The following ARFGEF3 variants were observed in gnomAD, a reference collection of about 807,000 sequenced individuals.
ARFGEF3 encodes brefeldin A-inhibited guanine nucleotide-exchange protein 3.
Under a neutral mutation model 221.7 loss-of-function variants are expected in ARFGEF3, and 96 were observed. The observed-to-expected ratio is 0.43, with a 90% CI of 0.37 to 0.51. The LOEUF (loss-of-function observed/expected upper bound fraction) is 0.51. Ranked by LOEUF, ARFGEF3 falls within the 20% of genes least tolerant of loss-of-function variation. The probability of loss-of-function intolerance (pLI) is 0.00; values close to 1 mark genes in which losing one functional copy is unlikely to be tolerated. For missense variants in ARFGEF3, 2,410 were observed against 2,789.9 expected (o/e 0.86, Z 3.07); for synonymous variants, 1,145 against 1,126.8 (o/e 1.02, Z -0.32).
Position 138,328,044 on chromosome 6 carries a change from C to T in ARFGEF3, c.5025C>T (p.Cys1675=). The T allele has an allele frequency of 6.4e-7, 1 of 1,554,580 alleles. No homozygotes were observed. Among genetic ancestry groups the T allele is most frequent in the Non-Finnish European group, 8.7e-7 (1 of 1,148,268 alleles). The change falls in exon 32 of 34, where the codon TGC becomes TGT. Residue 1675 remains cysteine, a synonymous_variant. Coordinates refer to ENST00000251691, the MANE Select transcript of ARFGEF3 (RefSeq NM_020340.5). ...AQQVFMLDTQ[C]SPKTPNNFDH... ...AGGTGTTTATGCTGGACACCCAGTG[C>T]TCACCAAAGACACCAAACAACTTTG...
At chr6:138,166,101 A>G (rs957912458) in intron 1 of ARFGEF3, among the ~76,000 whole-genome samples, 10 of 152,172 alleles carry the variant, frequency 6.6e-5, no homozygotes, top group African/African-American at 2.2e-4. Context: ...AAAACAATAC[A>G]TGTCAGCAGA....
chr6:138,288,889 C>T (rs1779346731), intron 17 of ARFGEF3, among the ~76,000 whole-genome samples: 3 of 152,174 alleles, frequency 2.0e-5, no homozygotes, highest in Admixed American at 2.0e-4. Context: ...TTTGGCCTTG[C>T]CTTAGCATTT....
chr6:138,303,277 CA>C (rs562075034), intron 22 of ARFGEF3, among the ~76,000 whole-genome samples: 8 of 150,018 alleles, frequency 5.3e-5, no homozygotes, highest in East Asian at 2.0e-4. Flanking sequence ...AAAGTGATCA[CA>C]AAAAAAATGT....
chr6:138,296,507 G>A (rs1779522844), intron 20 of ARFGEF3, among the ~76,000 whole-genome samples: 1 of 152,140 alleles, frequency 6.6e-6, no homozygotes, highest in Non-Finnish European at 1.5e-5. Context: ...TTCGAATCCA[G>A]ACGGTCGGAC....
intron 19 of ARFGEF3, among the ~76,000 whole-genome samples, chr6:138,293,048 A>T (rs1274259784): frequency 6.6e-6 from 1 of 152,262 alleles, no homozygotes; most frequent in Non-Finnish European, 1.5e-5. Context: ...TCAATAATTT[A>T]TAAATGTTTA....
intron 2 of ARFGEF3, among the ~76,000 whole-genome samples, chr6:138,186,896 CT>C (rs1327209078): frequency 3.8e-5 from 5 of 130,662 alleles, no homozygotes; most frequent in South Asian, 4.9e-4. Flanking sequence ...TCCTCTCATC[CT>C]TTTTCTTTTT....
chr6:138,192,143 A>G (rs1267562260), intron 2 of ARFGEF3, among the ~76,000 whole-genome samples: 2 of 152,130 alleles, frequency 1.3e-5, no homozygotes, highest in African/African-American at 2.4e-5. Context: ...CTCTCTGGGT[A>G]CTGAAGACTT....
rs1475400991 is a variant in ARFGEF3, at chr6:138,262,933, C to T, written c.1450C>T (p.Arg484Ter). 3.7e-6 allele frequency: 6 copies of T among 1,604,728 alleles called. No homozygotes were observed. Among genetic ancestry groups the T allele is most frequent in the Non-Finnish European group, 5.1e-6 (6 of 1,175,516 alleles). ...INEADFRWQR[R>*]VLSSEHTPWE... ...TGAGGCTGACTTCCGCTGGCAGCGG[C>T]GAGTGCTGTCCTCAGAACACACGCC... Residue 484 changes from arginine (R) to a stop codon, truncating the protein, a stop_gained, in exon 12 of 34, where the codon CGA (arginine) becomes TGA (stop). Transcript: ENST00000251691. LOFTEE classifies it high-confidence loss of function.
At chr6:138,333,008 T>G (rs1780255296) in intron 32 of ARFGEF3, among the ~76,000 whole-genome samples, 1 of 152,226 alleles carries the variant, frequency 6.6e-6, no homozygotes. Context: ...AAAATGTTAT[T>G]AACATCATGG....
In ARFGEF3 at chr6:138,317,313, C is replaced by T. The variant is rs375579875; in HGVS notation, c.4408C>T (p.Arg1470Trp). The part of the protein sequence containing the change: ...QLTAAVSNCP[R>W]QHQPPTLDLL... Reference sequence around the variant, plus strand: ...GACAGCGGCTGTGTCCAATTGTCCACGGCAGCACCAACCACCAACTCTGGA... The same window carrying T: ...GACAGCGGCTGTGTCCAATTGTCCATGGCAGCACCAACCACCAACTCTGGA... Residue 1470 changes from arginine (R) to tryptophan (W), a missense_variant, in exon 27 of 34, where the codon CGG becomes TGG. Arg to Trp is a moderately radical substitution (Grantham distance 101). This residue lies in a region of ARFGEF3 where 723 missense variants were observed against 991.9 expected (regional missense o/e 0.73). Coordinates refer to ENST00000251691, the MANE Select transcript of ARFGEF3 (RefSeq NM_020340.5). 31 of 1,613,754 alleles carry T rather than the reference C, an allele frequency of 1.9e-5. No individual in the cohort carries two copies. Among genetic ancestry groups the T allele is most frequent in the Non-Finnish European group, 2.4e-5 (28 of 1,179,824 alleles).
intron 4 of ARFGEF3, among the ~76,000 whole-genome samples, chr6:138,228,746 T>C (rs1778138031): frequency 6.6e-6 from 1 of 152,230 alleles, no homozygotes; most frequent in African/African-American, 2.4e-5. Flanking sequence ...GTTTCCTGTA[T>C]TAAGTAAATT....
At chr6:138,193,327 ATC>A (rs1777346631) in intron 2 of ARFGEF3, among the ~76,000 whole-genome samples, 1 of 152,072 alleles carries the variant, frequency 6.6e-6, no homozygotes, top group African/African-American at 2.4e-5. Context: ...TCTAGACAAA[ATC>A]TCTCCCACTC....
At chr6:138,195,993 G>GT (rs1299833751) in intron 2 of ARFGEF3, among the ~76,000 whole-genome samples, 1 of 131,094 alleles carries the variant, frequency 7.6e-6, no homozygotes, top group East Asian at 2.5e-4. Context: ...GAGTGTCTTG[G>GT]TAAAAAAAAA....
In ARFGEF3 at chr6:138,162,583, A is replaced by G. The variant is rs1315576593; in HGVS notation, c.85+412A>G. Reference sequence around the variant, plus strand: ...TGTCGAATCCTTGGCGAGTGGAACCAGGAAGGAAAGGCTTGTTTAATTTGA... The same window carrying G: ...TGTCGAATCCTTGGCGAGTGGAACCGGGAAGGAAAGGCTTGTTTAATTTGA... On this transcript the variant is annotated intron_variant, in intron 1 of 33. Transcript: ENST00000251691. This position sits in a 1 kb window ranked among gnomAD's most constrained non-coding sequence, Gnocchi z 4.7. Among the ~76,000 whole-genome samples the G allele has an allele frequency of 1.3e-5, 2 of 152,240 alleles. No individual in the cohort carries two copies. The highest frequency in any genetic ancestry group is 2.9e-5 in the Non-Finnish European group (2 of 68,038).
intron 5 of ARFGEF3, among the ~76,000 whole-genome samples, chr6:138,233,772 C>A (rs1442664123): frequency 6.6e-6 from 1 of 152,098 alleles, no homozygotes; most frequent in Admixed American, 6.5e-5. Context: ...CAGATATAAT[C>A]CTGCAGAAAA....
intron 22 of ARFGEF3, among the ~76,000 whole-genome samples, chr6:138,302,608 G>C (rs542739717): frequency 6.6e-6 from 1 of 152,138 alleles, no homozygotes; most frequent in Non-Finnish European, 1.5e-5. Context: ...CAAAATGCTC[G>C]ATGACAATGA....
rs759189054 is a variant in ARFGEF3 at position 138,263,032 on chromosome 6, G to A, written c.1549G>A (p.Glu517Lys). The A allele has an allele frequency of 8.7e-6, 14 of 1,609,556 alleles. No homozygotes were observed. The highest frequency in any genetic ancestry group is 4.0e-5 in the African/African-American group (3 of 74,800). ...CACAGACACAGGCCAGACCACTCTC[G>A]AGGGAGAGTTGGGTCAGACTACACC... is the stretch of plus-strand genomic sequence containing the variant. ...VTTDTGQTTL[E>K]GELGQTTPED... Residue 517 changes from glutamate to lysine, a missense_variant, in exon 12 of 34, where the codon GAG becomes AAG. Around this residue, in one of 5 missense-constraint regions of ARFGEF3, gnomAD observed 594 missense variants for 734.3 expected, o/e 0.81. Coordinates refer to ENST00000251691, the MANE Select transcript of ARFGEF3 (RefSeq NM_020340.5).
chr6:138,324,050 A>T lies in ARFGEF3; in HGVS notation c.4897A>T (p.Thr1633Ser). 1 of 1,613,870 alleles carries T rather than the reference A, an allele frequency of 6.2e-7. No homozygotes were observed. Residue 1633 changes from threonine (T) to serine (S), a missense_variant, in exon 31 of 34, where the codon ACG becomes TCG. This residue lies in a region of ARFGEF3 where 723 missense variants were observed against 991.9 expected (regional missense o/e 0.73). Coordinates refer to ENST00000251691, the MANE Select transcript of ARFGEF3 (RefSeq NM_020340.5). ...KDLLGCFHSG[T>S]ESFSGEGCQV... ...CCTGCTGGGCTGCTTCCACAGCGGC[A>T]CGGAGAGCTTCAGCGGGGAAGGCTG...
At chr6:138,303,275 CA>C (rs959737617) in intron 22 of ARFGEF3, among the ~76,000 whole-genome samples, 2 of 150,576 alleles carry the variant, frequency 1.3e-5, no homozygotes, top group African/African-American at 4.9e-5. Flanking sequence ...TGAAAGTGAT[CA>C]CAAAAAAAAT....
Sources: gnomAD v4.1 joint callset for allele counts (sites outside exome capture counted in the v4.1 genomes callset) on GRCh38, gnomAD v4.1.1 for gene constraint, gnomAD v4.1.1 regional missense constraint, Gnocchi (gnomAD v3.1) non-coding constraint, MANE v1.5 for transcripts, NCBI Gene and HGNC (gene_info 2026-07-23, HGNC 2026-07-21) for gene names.